The following DNAH5 variants were observed in gnomAD, a reference collection of about 807,000 sequenced individuals.
The protein encoded by DNAH5 is dynein axonemal heavy chain 5.
In DNAH5, 372 loss-of-function variants were observed where a neutral mutation model predicts 518.2. The ratio of observed to expected loss-of-function variants is 0.72; its 90% confidence interval spans 0.66 to 0.78. DNAH5 has a LOEUF of 0.78. Ranked by LOEUF, DNAH5 falls within the 30% of genes least tolerant of loss-of-function variation. The pLI is 0.00. For synonymous variants in DNAH5, 2,039 were observed against 2,025.9 expected (o/e 1.01, Z -0.17); for missense variants, 5,523 against 5,687.0 (o/e 0.97, Z 0.93).
Position 13,900,279 on chromosome 5 carries a change from A to G in DNAH5, c.2186T>C (p.Leu729Pro). The part of the protein sequence containing the change: ...RETECMAQMG[L>P]EVSPLATSLF... ...GGAAGTTGCCAGTGGAGAGACTTCCAGACCCATCTGGGCCATGCACTCTGT... is the reference window on the plus strand; with the variant it reads ...GGAAGTTGCCAGTGGAGAGACTTCCGGACCCATCTGGGCCATGCACTCTGT... Residue 729 changes from leucine (L) to proline (P), a missense_variant, in exon 15 of 79, where the codon CTG (leucine) becomes CCG (proline). Coordinates refer to ENST00000265104, the MANE Select transcript of DNAH5 (RefSeq NM_001369.3). The G allele has an allele frequency of 1.2e-6, 2 of 1,614,208 alleles. No individual in the cohort carries two copies. Among genetic ancestry groups the G allele is most frequent in the Non-Finnish European group, 1.7e-6 (2 of 1,180,002 alleles).
Position 13,810,186 on chromosome 5 carries a change from C to T in DNAH5, c.7482G>A (p.Ala2494=), listed in dbSNP as rs1760419989. Residue 2494 remains alanine, a synonymous_variant, in exon 45 of 79, where the codon GCG becomes GCA. Coordinates refer to ENST00000265104, the MANE Select transcript of DNAH5 (RefSeq NM_001369.3). ...FVFALLWSAG[A]ALELDGRRRL... ...GGCGCCGTCCGTCCAGCTCCAGCGC[C>T]GCCCCCGCGCTCCACAGCAGCGCGA... is the stretch of plus-strand genomic sequence containing the variant. 2.6e-6 allele frequency: 4 copies of T among 1,549,122 alleles called. No individual in the cohort carries two copies. Among genetic ancestry groups the T allele is most frequent in the Non-Finnish European group, 2.6e-6 (3 of 1,146,050 alleles).
intron 78 of DNAH5, among the ~76,000 whole-genome samples, chr5:13,698,111 A>T (rs1022031873): frequency 6.6e-6 from 1 of 152,158 alleles, no homozygotes; most frequent in African/African-American, 2.4e-5. Flanking sequence ...TCTCTGTCTC[A>T]CATGCTTACT....
intron 3 of DNAH5, among the ~76,000 whole-genome samples, chr5:13,925,302 C>A (rs1777753986): frequency 6.6e-6 from 1 of 152,156 alleles, no homozygotes; most frequent in African/African-American, 2.4e-5. Context: ...GCAGAAATTT[C>A]AAAGCTGTTG....
chr5:13,850,720 A>T lies in DNAH5; in HGVS notation c.5046T>A (p.Asp1682Glu). 5.0e-6 allele frequency: 8 copies of T among 1,613,980 alleles called. No homozygotes were observed. The highest frequency in any genetic ancestry group is 6.8e-6 in the Non-Finnish European group (8 of 1,179,864). ...VPSVVQCCVGDETLGQLLPHL... is the reference protein window; with the variant it reads ...VPSVVQCCVGEETLGQLLPHL... ...GTGGTAACAGCTGCCCCAGGGTCTC[A>T]TCTCCAACACAGCACTGGACTACAC... Residue 1682 changes from aspartate to glutamate, a missense_variant, in exon 31 of 79, where the codon GAT (aspartate) becomes GAA (glutamate). By Grantham distance (45) the Asp-to-Glu change is conservative (BLOSUM62 2). Around this residue, in one of 3 missense-constraint regions of DNAH5, gnomAD observed 5,121 missense variants for 5,223.3 expected, o/e 0.98. Transcript: ENST00000265104.
At chr5:13,918,000 T>C (rs568137650) in intron 7 of DNAH5, among the ~76,000 whole-genome samples, 1 of 152,304 alleles carries the variant, frequency 6.6e-6, no homozygotes, top group Non-Finnish European at 1.5e-5. Flanking sequence ...TCTATGACGG[T>C]CCCCAGTGAC....
In DNAH5 at chr5:13,725,941, C is replaced by T. The variant is rs141248336; in HGVS notation, c.12033+1566G>A. ...TGCTGGGATTACAGGTGTGAGCCAC[C>T]GCGCCTGACCTGTTGAGGATTTTTA... On this transcript the variant is annotated intron_variant, in intron 70 of 78. Transcript: ENST00000265104. 1.7e-3 allele frequency among the ~76,000 whole-genome samples: 265 copies of T among 152,298 alleles called. 9 individuals are homozygous for T. The East Asian group carries it at 0.042, about 24-fold the overall frequency.
At chr5:13,978,498 G>T (rs1298100327) in intron 1 of DNAH5, among the ~76,000 whole-genome samples, 1 of 152,142 alleles carries the variant, frequency 6.6e-6, no homozygotes, top group African/African-American at 2.4e-5. Flanking sequence ...GTGTGTCTAT[G>T]TGTATATATG....
intron 43 of DNAH5, 47 bp from the exon 44 acceptor site, chr5:13,811,870 A>G (rs755452047): frequency 1.9e-5 from 31 of 1,594,828 alleles, no homozygotes; most frequent in Non-Finnish European, 2.5e-5. Flanking sequence ...TTAGCACACT[A>G]GGAAAATGGT....
intron 68 of DNAH5, among the ~76,000 whole-genome samples, chr5:13,731,596 C>A (rs1232365436): frequency 6.6e-6 from 1 of 151,994 alleles, no homozygotes; most frequent in African/African-American, 2.4e-5. Context: ...AGGAATAATT[C>A]GAAATAAATT....
chr5:13,839,946 C>T (rs1173208575), intron 34 of DNAH5, among the ~76,000 whole-genome samples: 1 of 152,108 alleles, frequency 6.6e-6, no homozygotes, highest in Admixed American at 6.5e-5. Flanking sequence ...TAACAAAGTA[C>T]GCTGTTGGGG....
intron 67 of DNAH5, 76 bp downstream of exon 67, chr5:13,735,742 G>A: frequency 9.0e-7 from 1 of 1,109,524 alleles, no homozygotes; most frequent in Non-Finnish European, 1.4e-6. Flanking sequence ...CAAAGGAGAA[G>A]GAAGTTATAA....
chr5:13,711,873 C>T (rs1406824690), intron 75 of DNAH5, among the ~76,000 whole-genome samples: 1 of 152,118 alleles, frequency 6.6e-6, no homozygotes, highest in Non-Finnish European at 1.5e-5. Context: ...AAATCACAGA[C>T]AACACAAACA....
At chr5:13,902,209 G>A in intron 12 of DNAH5, 71 bp from the exon 13 acceptor site, 1 of 1,146,106 alleles carries the variant, frequency 8.7e-7, no homozygotes, top group Non-Finnish European at 1.3e-6. Flanking sequence ...AGATAAAAGA[G>A]CTTTCCATTC....
Position 13,768,971 on chromosome 5 carries a change from C to G in DNAH5, c.9886G>C (p.Ala3296Pro). The G allele has an allele frequency of 1.2e-6, 2 of 1,614,168 alleles. No individual in the cohort carries two copies. Among genetic ancestry groups the G allele is most frequent in the Non-Finnish European group, 1.7e-6 (2 of 1,179,996 alleles). Reference protein sequence around the residue: ...AAKPALEEAEAALQTIRPSDI... With the variant: ...AAKPALEEAEPALQTIRPSDI... ...TCACATAGATGCACCTGCAATGCAG[C>G]TTCTGCCTCTTCTAAAGCTGGTTTT... is the stretch of plus-strand genomic sequence containing the variant. Residue 3296 changes from alanine to proline, a missense_variant, in exon 58 of 79, where the codon GCT becomes CCT. Physicochemically the swap from Ala to Pro is conservative, Grantham distance 27. Coordinates refer to ENST00000265104, the MANE Select transcript of DNAH5 (RefSeq NM_001369.3).
At chr5:13,870,603 A>T (rs547352037) in intron 24 of DNAH5, among the ~76,000 whole-genome samples, 164 bp downstream of exon 24, 1 of 152,306 alleles carries the variant, frequency 6.6e-6, no homozygotes, top group Non-Finnish European at 1.5e-5. Flanking sequence ...AAACTGGCCC[A>T]TGGAAGGCAA....
chr5:13,824,134 C>G (rs1164074758), intron 39 of DNAH5, 65 bp downstream of exon 39: 5 of 1,488,814 alleles, frequency 3.4e-6, no homozygotes, highest in South Asian at 1.1e-5. Context: ...TTTGAAGTCT[C>G]ATGTATGGGC....
intron 1 of DNAH5, among the ~76,000 whole-genome samples, chr5:13,934,586 G>A (rs568871231): frequency 1.2e-4 from 18 of 152,326 alleles, no homozygotes; most frequent in Admixed American, 5.2e-4. Flanking sequence ...TAAAGGAATA[G>A]GGTATGGTAG....
chr5:13,900,751 CG>C, intron 14 of DNAH5: 2 of 341,030 alleles, frequency 5.9e-6, no homozygotes, highest in South Asian at 6.7e-5. Flanking sequence ...ATAAAAGTTT[CG>C]TAAGACCTCC....
chr5:13,955,409 A>T (rs977341081), intron 1 of DNAH5, among the ~76,000 whole-genome samples: 1 of 152,222 alleles, frequency 6.6e-6, no homozygotes, highest in Non-Finnish European at 1.5e-5. Flanking sequence ...AGACTAATAC[A>T]CCAAGAGAAC....
Sources: gnomAD v4.1 joint callset for allele counts (sites outside exome capture counted in the v4.1 genomes callset) on GRCh38, gnomAD v4.1.1 for gene constraint, gnomAD v4.1.1 regional missense constraint, MANE v1.5 for transcripts, NCBI Gene and HGNC (gene_info 2026-07-23, HGNC 2026-07-21) for gene names.